Variants in ZFPM2 observed in about 807,000 individuals in gnomAD.
ZFPM2 encodes zinc finger protein, FOG family member 2.
ZFPM2 carries 20 observed loss-of-function variants against 98.6 expected under a neutral mutation model. The observed-to-expected ratio is 0.20, with a 90% CI of 0.14 to 0.29. The LOEUF is 0.29. Ranked by LOEUF, ZFPM2 falls within the 10% of genes least tolerant of loss-of-function variation. The pLI is 1.00. For synonymous variants in ZFPM2, 518 were observed against 502.7 expected (o/e 1.03, Z -0.41); for missense variants, 1,310 against 1,388.6 (o/e 0.94, Z 0.90).
intron 1 of ZFPM2, among the ~76,000 whole-genome samples, chr8:105,385,615 T>C (rs1810972270): frequency 6.6e-6 from 1 of 152,240 alleles, no homozygotes; most frequent in Non-Finnish European, 1.5e-5. Context: ...CCTTAAATCC[T>C]TTCTGAGAAA....
At chr8:105,400,281 A>G (rs1811312118) in intron 1 of ZFPM2, among the ~76,000 whole-genome samples, 1 of 151,618 alleles carries the variant, frequency 6.6e-6, no homozygotes, top group African/African-American at 2.4e-5. Context: ...TTTTTATTAT[A>G]CTTTAAGTTT....
At chr8:105,552,252 G>C (rs1275971785) in intron 3 of ZFPM2, among the ~76,000 whole-genome samples, 3 of 152,114 alleles carry the variant, frequency 2.0e-5, no homozygotes, top group Admixed American at 6.6e-5. Context: ...TGGCCCTCCA[G>C]CTGGTAGACT....
chr8:105,463,316 CAT>C (rs1812737096), intron 3 of ZFPM2, among the ~76,000 whole-genome samples: 1 of 151,066 alleles, frequency 6.6e-6, no homozygotes, highest in East Asian at 1.9e-4. Flanking sequence ...CACATATATA[CAT>C]ATATAGAGTT....
chr8:105,556,738 C>CCTGCT (rs1563717968), intron 3 of ZFPM2, among the ~76,000 whole-genome samples: 1 of 146,984 alleles, frequency 6.8e-6, no homozygotes, highest in Non-Finnish European at 1.5e-5. Context: ...CCTCCCCTCC[C>CCTGCT]CTTTGACAGA....
intron 3 of ZFPM2, among the ~76,000 whole-genome samples, chr8:105,483,731 C>T (rs1813170951): frequency 6.6e-6 from 1 of 151,016 alleles, no homozygotes; most frequent in Non-Finnish European, 1.5e-5. Flanking sequence ...TCTGTCTTTT[C>T]TCTTTGATTA....
At chr8:105,376,700 A>G (rs1374009729) in intron 1 of ZFPM2, among the ~76,000 whole-genome samples, 1 of 152,154 alleles carries the variant, frequency 6.6e-6, no homozygotes, top group Non-Finnish European at 1.5e-5. Context: ...TATCCAATCT[A>G]TTATAAGTCC....
intron 3 of ZFPM2, among the ~76,000 whole-genome samples, chr8:105,560,081 C>T (rs772287500): frequency 2.6e-5 from 4 of 151,308 alleles, no homozygotes; most frequent in Non-Finnish European, 4.4e-5. Flanking sequence ...TGGCGCTTTG[C>T]CTGTAATCTC....
chr8:105,753,063 G>C (rs1812514239), intron 5 of ZFPM2, among the ~76,000 whole-genome samples: 1 of 152,078 alleles, frequency 6.6e-6, no homozygotes, highest in African/African-American at 2.4e-5. Flanking sequence ...CAGGATCAAC[G>C]TGAGAGGCCA....
intron 5 of ZFPM2, among the ~76,000 whole-genome samples, chr8:105,712,050 C>G (rs992700468): frequency 6.6e-6 from 1 of 151,876 alleles, no homozygotes; most frequent in African/African-American, 2.4e-5. Flanking sequence ...AATTCTTTTT[C>G]TGGTAACTGG....
intron 3 of ZFPM2, among the ~76,000 whole-genome samples, chr8:105,491,162 A>G (rs968343476): frequency 6.6e-6 from 1 of 152,168 alleles, no homozygotes; most frequent in Non-Finnish European, 1.5e-5. Flanking sequence ...TCAACCAAAG[A>G]ACTGTTTCAC....
At chr8:105,768,951 T>G (rs1812920797) in intron 5 of ZFPM2, among the ~76,000 whole-genome samples, 1 of 151,890 alleles carries the variant, frequency 6.6e-6, no homozygotes, top group East Asian at 1.9e-4. Context: ...ATGGTTCCTA[T>G]CAGGCATAAA....
At chr8:105,493,688 A>C (rs1275397646) in intron 3 of ZFPM2, among the ~76,000 whole-genome samples, 1 of 152,154 alleles carries the variant, frequency 6.6e-6, no homozygotes, top group Admixed American at 6.5e-5. Context: ...TTAAACTCTT[A>C]ATATGTCTCC....
At chr8:105,455,875 A>G (rs1040230603) in intron 3 of ZFPM2, among the ~76,000 whole-genome samples, 15 of 152,216 alleles carry the variant, frequency 9.9e-5, no homozygotes, top group African/African-American at 3.4e-4. Flanking sequence ...GTTGAGTAGA[A>G]CATTGGTAAT....
At chr8:105,748,446 A>G (rs975212014) in intron 5 of ZFPM2, among the ~76,000 whole-genome samples, 2 of 152,048 alleles carry the variant, frequency 1.3e-5, no homozygotes, top group Non-Finnish European at 2.9e-5. Context: ...GCATTAGTAA[A>G]CCGTAAATGA....
At chr8:105,452,409 T>C (rs1205678219) in intron 3 of ZFPM2, among the ~76,000 whole-genome samples, 1 of 151,996 alleles carries the variant, frequency 6.6e-6, no homozygotes, top group Non-Finnish European at 1.5e-5. Context: ...GGAATTGGTA[T>C]ATAAGAAATA....
intron 5 of ZFPM2, among the ~76,000 whole-genome samples, chr8:105,654,846 G>T (rs1426774616): frequency 2.0e-5 from 3 of 152,128 alleles, no homozygotes; most frequent in African/African-American, 7.2e-5. Context: ...TGTCAGATCT[G>T]CCTTATAGTC....
At chr8:105,781,048 A>G (rs183050145) in intron 5 of ZFPM2, among the ~76,000 whole-genome samples, 29 of 152,282 alleles carry the variant, frequency 1.9e-4, no homozygotes, top group African/African-American at 5.3e-4. Flanking sequence ...GTTTACTCCT[A>G]TGGCAGTTAT....
intron 3 of ZFPM2, among the ~76,000 whole-genome samples, chr8:105,533,711 T>G (rs1449029480): frequency 6.5e-5 from 6 of 92,096 alleles, no homozygotes; most frequent in African/African-American, 2.5e-4. Context: ...CCCTCCCTCC[T>G]TACTTTCTCC....
intron 5 of ZFPM2, among the ~76,000 whole-genome samples, chr8:105,663,117 A>G (rs1817424585): frequency 6.6e-6 from 1 of 152,160 alleles, no homozygotes; most frequent in Non-Finnish European, 1.5e-5. Context: ...CTGCTTTCTT[A>G]TCCTTTAAAA....
Sources: gnomAD v4.1 joint callset for allele counts (sites outside exome capture counted in the v4.1 genomes callset) on GRCh38, gnomAD v4.1.1 for gene constraint, MANE v1.5 for transcripts, NCBI Gene and HGNC (gene_info 2026-07-23, HGNC 2026-07-21) for gene names.